Variants in WWTR1 observed in about 807,000 individuals in gnomAD.
WWTR1 encodes the protein WW domain-containing transcription regulator protein 1.
WWTR1 carries 13 observed loss-of-function variants against 40.1 expected under a neutral mutation model. The ratio of observed to expected loss-of-function variants is 0.32; its 90% CI spans 0.21 to 0.52. The LOEUF is 0.52. WWTR1 is among the 20% of genes least tolerant of loss of function. WWTR1 has a pLI of 0.97. For missense variants in WWTR1, 436 were observed against 523.1 expected (o/e 0.83, Z 1.63); for synonymous variants, 230 against 210.1 (o/e 1.09, Z -0.82).
chr3:149,714,732 G>C (rs1458908393), intron 5 of WWTR1, among the ~76,000 whole-genome samples: 2 of 152,192 alleles, frequency 1.3e-5, no homozygotes, highest in African/African-American at 4.8e-5. Context: ...GCCAAGGGGG[G>C]CCTGAAGCCT....
chr3:149,666,080 C>G (rs1414016852), intron 2 of WWTR1, among the ~76,000 whole-genome samples: 2 of 152,190 alleles, frequency 1.3e-5, no homozygotes, highest in Non-Finnish European at 2.9e-5. Context: ...TATTGTTTGA[C>G]AATTTCACTC....
intron 2 of WWTR1, among the ~76,000 whole-genome samples, chr3:149,576,669 T>G (rs1737895195): frequency 6.6e-6 from 1 of 152,220 alleles, no homozygotes; most frequent in South Asian, 2.1e-4. Flanking sequence ...ACAGGTTTCA[T>G]ATTTGAAAAT....
intron 2 of WWTR1, among the ~76,000 whole-genome samples, chr3:149,620,122 T>A (rs1379396992): frequency 2.0e-5 from 3 of 152,232 alleles, no homozygotes; most frequent in Admixed American, 2.0e-4. Flanking sequence ...TGTTTTCGTA[T>A]CATCTCAGTT....
At chr3:149,710,960 G>A (rs1382962114) in intron 5 of WWTR1, among the ~76,000 whole-genome samples, 1 of 152,096 alleles carries the variant, frequency 6.6e-6, no homozygotes, top group African/African-American at 2.4e-5. Context: ...GTAGTAAAGA[G>A]TAGAGCCAGC....
intron 2 of WWTR1, among the ~76,000 whole-genome samples, chr3:149,655,103 G>A (rs933981848): frequency 2.3e-4 from 34 of 150,072 alleles, no homozygotes; most frequent in Admixed American, 2.0e-3. Context: ...TCCAGCCTGG[G>A]CGACAGAGCG....
chr3:149,525,524 G>A (rs1216463233), intron 6 of WWTR1: 1 of 152,068 alleles, frequency 6.6e-6, no homozygotes, highest in African/African-American at 2.4e-5. Context: ...TGAGGAAGGG[G>A]CTACAGTTTA....
chr3:149,602,345 T>C (rs2108051457), intron 2 of WWTR1, among the ~76,000 whole-genome samples: 1 of 152,292 alleles, frequency 6.6e-6, no homozygotes, highest in Admixed American at 6.5e-5. Context: ...GAGCTGATGA[T>C]TTGGATTAAA....
chr3:149,656,976 C>G lies in WWTR1; in HGVS notation c.331G>C (p.Ala111Pro). 1 of 1,598,506 alleles carries G rather than the reference C, an allele frequency of 6.3e-7. No individual in the cohort carries two copies. Among genetic ancestry groups the G allele is most frequent in the Non-Finnish European group, 8.5e-7 (1 of 1,176,520 alleles). ...GAAGSPAQQH[A>P]HLRQQSYDVT... is the part of the protein sequence containing the mutation. ...TCGTAGGACTGCTGGCGGAGGTGCG[C>G]GTGCTGCTGCGCGGGGCTACCCGCA... The change falls in exon 2 of 7, where the codon GCG becomes CCG. Residue 111 changes from alanine (A) to proline (P), a missense_variant. Coordinates refer to ENST00000360632, the MANE Select transcript of WWTR1 (RefSeq NM_015472.6).
chr3:149,708,179 C>T (rs111261581), upstream of WWTR1, among the ~76,000 whole-genome samples: 9 of 152,216 alleles, frequency 5.9e-5, no homozygotes, highest in African/African-American at 1.4e-4. Context: ...AGGCATTTTT[C>T]CCCAAACTCT....
intron 2 of WWTR1, among the ~76,000 whole-genome samples, chr3:149,668,815 A>G (rs1472333946): frequency 6.6e-6 from 1 of 152,158 alleles, no homozygotes; most frequent in African/African-American, 2.4e-5. Flanking sequence ...CACTCACCAA[A>G]AAGTCACCTT....
chr3:149,664,701 G>A (rs1713733517), intron 2 of WWTR1, among the ~76,000 whole-genome samples: 1 of 151,252 alleles, frequency 6.6e-6, no homozygotes, highest in South Asian at 2.1e-4. Context: ...CGATTCTCCT[G>A]CCTCAGCCTC....
At chr3:149,707,320 G>T (rs908665426), upstream of WWTR1, among the ~76,000 whole-genome samples, 6 of 152,182 alleles carry the variant, frequency 3.9e-5, no homozygotes, top group African/African-American at 1.4e-4. Flanking sequence ...AGAGGGGTTA[G>T]TGTCCTCAGT....
At chr3:149,718,138 A>G (rs562284952) in intron 4 of WWTR1, among the ~76,000 whole-genome samples, 32 of 152,312 alleles carry the variant, frequency 2.1e-4, no homozygotes, top group African/African-American at 7.7e-4. Flanking sequence ...TTTAAAGTCT[A>G]TGTGACTATT....
At chr3:149,689,860 A>G (rs1030688386) in intron 1 of WWTR1, among the ~76,000 whole-genome samples, 4 of 152,176 alleles carry the variant, frequency 2.6e-5, no homozygotes, top group African/African-American at 4.8e-5. Flanking sequence ...TCATATCTTG[A>G]GTAGGAATAC....
chr3:149,528,028 G>A, intron 4 of WWTR1, 59 bp from the exon 5 acceptor site: 3 of 1,563,544 alleles, frequency 1.9e-6, no homozygotes, highest in Non-Finnish European at 2.6e-6. Context: ...ATGGAGCAAA[G>A]TGTACTTCAC....
At chr3:149,661,725 CAAAT>C (rs1713584076), upstream of WWTR1, among the ~76,000 whole-genome samples, 1 of 140,406 alleles carries the variant, frequency 7.1e-6, no homozygotes, top group African/African-American at 2.7e-5. Flanking sequence ...TGCCCGGCCA[CAAAT>C]AAAGTTTTTT....
chr3:149,527,692 G>C (rs972740979), intron 5 of WWTR1, 144 bp downstream of exon 5: 9 of 1,240,912 alleles, frequency 7.3e-6, no homozygotes, highest in Non-Finnish European at 1.0e-5. Context: ...TCTTTTTTCT[G>C]CCAGCTCCTC....
chr3:149,522,930 G>T (rs541794183), intron 6 of WWTR1, among the ~76,000 whole-genome samples: 2 of 152,024 alleles, frequency 1.3e-5, no homozygotes, highest in East Asian at 3.9e-4. Context: ...GCCAGGCATG[G>T]TGGCGCACCC....
chr3:149,714,244 T>G (rs1294044560), intron 5 of WWTR1, among the ~76,000 whole-genome samples: 5 of 152,124 alleles, frequency 3.3e-5, no homozygotes, highest in Non-Finnish European at 4.4e-5. Context: ...CATGGACCCC[T>G]GCCTCCCTGT....
Sources: allele counts gnomAD v4.1 joint callset (sites outside exome capture counted in the v4.1 genomes callset), GRCh38; gene constraint gnomAD v4.1.1; transcripts MANE v1.5; gene names NCBI Gene and HGNC (gene_info 2026-07-23, HGNC 2026-07-21).